The following CHIC2 variants were observed in gnomAD, a reference collection of about 807,000 sequenced individuals.
CHIC2 encodes cysteine rich hydrophobic domain 2.
CHIC2 carries 14 observed loss-of-function variants against 25.9 expected under a neutral mutation model. The observed-to-expected ratio is 0.54, with a 90% CI of 0.36 to 0.85. The LOEUF is 0.85. CHIC2 is among the 40% of genes least tolerant of loss of function. CHIC2 has a pLI of 0.01. For missense variants in CHIC2, 146 were observed against 202.0 expected, an observed-to-expected ratio of 0.72 and a Z score of 1.68; for synonymous variants, 70 against 72.0, an observed-to-expected ratio of 0.97 and a Z score of 0.14.
chr4:54,063,961 T>C (rs545336258), intron 1 of CHIC2, among the ~76,000 whole-genome samples: 8 of 152,356 alleles, frequency 5.3e-5, no homozygotes, highest in Admixed American at 2.6e-4. Context: ...CGCCCGGGCC[T>C]GTAGGGCCTG....
chr4:54,077,705 C>T, the CHIC2 span, among the ~76,000 whole-genome samples: 7 of 152,202 alleles, frequency 4.6e-5, no homozygotes, highest in Non-Finnish European at 1.0e-4. Context: ...TCACCTTAGA[C>T]ATGATCCCAC....
intron 3 of CHIC2, among the ~76,000 whole-genome samples, chr4:54,019,162 T>C (rs946625697): frequency 1.3e-5 from 2 of 151,890 alleles, no homozygotes; most frequent in African/African-American, 4.8e-5. Flanking sequence ...AATATGAAAT[T>C]TTATATTCCA....
At chr4:54,087,093 T>TGTGG in the CHIC2 span, 6 of 1,005,112 alleles carry the variant, frequency 6.0e-6, no homozygotes. Context: ...CTCAGGAAGA[T>TGTGG]GTGGGGTCGC....
intron 3 of CHIC2, among the ~76,000 whole-genome samples, chr4:54,014,451 G>A (rs370130929): frequency 3.3e-5 from 5 of 151,820 alleles, no homozygotes; most frequent in Non-Finnish European, 2.9e-5. Flanking sequence ...AAATAGTAAC[G>A]GAAGTTCCTT....
the CHIC2 span, chr4:54,087,823 C>A: frequency 2.6e-6 from 1 of 387,678 alleles, no homozygotes; most frequent in Non-Finnish European, 4.9e-6. Flanking sequence ...TCCCTGAGAT[C>A]TGGAAACACT....
At chr4:54,058,874 C>A (rs913015543) in intron 1 of CHIC2, among the ~76,000 whole-genome samples, 3 of 151,986 alleles carry the variant, frequency 2.0e-5, no homozygotes, top group Admixed American at 6.6e-5. Context: ...TGATTAGTAT[C>A]ATAATAATTA....
the CHIC2 span, among the ~76,000 whole-genome samples, chr4:54,075,980 A>G: frequency 6.6e-6 from 1 of 152,178 alleles, no homozygotes; most frequent in African/African-American, 2.4e-5. Context: ...ACTTCAGAGA[A>G]AACTTAAGTT....
At chr4:54,080,260 G>T in the CHIC2 span, among the ~76,000 whole-genome samples, 1 of 150,858 alleles carries the variant, frequency 6.6e-6, no homozygotes, top group Non-Finnish European at 1.5e-5. Flanking sequence ...TGACAATGAG[G>T]ACATTATGCT....
At chr4:54,066,774 G>A (rs1717528873), upstream of CHIC2, among the ~76,000 whole-genome samples, 1 of 152,130 alleles carries the variant, frequency 6.6e-6, no homozygotes, top group Non-Finnish European at 1.5e-5. Flanking sequence ...GCAGGAACCA[G>A]GAGACTAGTG....
At chr4:54,021,897 C>T (rs990710049) in intron 3 of CHIC2, among the ~76,000 whole-genome samples, 10 of 152,104 alleles carry the variant, frequency 6.6e-5, no homozygotes, top group Middle Eastern at 3.2e-3. Flanking sequence ...TAATTAACCT[C>T]GCCTTCAAGG....
At chr4:54,040,223 C>T (rs1394592966) in intron 3 of CHIC2, among the ~76,000 whole-genome samples, 1 of 152,040 alleles carries the variant, frequency 6.6e-6, no homozygotes, top group East Asian at 1.9e-4. Flanking sequence ...CAAAAATAGG[C>T]AAAGGTAGTT....
the CHIC2 span, among the ~76,000 whole-genome samples, chr4:54,072,784 T>C: frequency 6.6e-6 from 1 of 152,134 alleles, no homozygotes; most frequent in Non-Finnish European, 1.5e-5. Flanking sequence ...TATGTTAAGA[T>C]GTGCGCGTCT....
At chr4:54,086,343 C>G in the CHIC2 span, among the ~76,000 whole-genome samples, 1 of 152,042 alleles carries the variant, frequency 6.6e-6, no homozygotes, top group African/African-American at 2.4e-5. Flanking sequence ...GAAATCAGTG[C>G]AAATCCATTT....
intron 1 of CHIC2, among the ~76,000 whole-genome samples, chr4:54,063,439 C>G (rs560072137): frequency 5.9e-5 from 9 of 152,286 alleles, no homozygotes; most frequent in African/African-American, 2.2e-4. Flanking sequence ...AGCTTTCATT[C>G]CTTATTAATA....
chr4:54,056,539 A>G (rs1177342570), intron 1 of CHIC2, among the ~76,000 whole-genome samples: 1 of 152,188 alleles, frequency 6.6e-6, no homozygotes, highest in Non-Finnish European at 1.5e-5. Context: ...CCACTGAACT[A>G]ACCAAGGCCC....
intron 3 of CHIC2, among the ~76,000 whole-genome samples, chr4:54,025,338 G>A (rs1716025375): frequency 6.6e-6 from 1 of 151,916 alleles, no homozygotes; most frequent in Non-Finnish European, 1.5e-5. Flanking sequence ...CCACCCTTGA[G>A]AATGTACTTT....
At chr4:54,045,706 A>C (rs1313857409) in intron 3 of CHIC2, among the ~76,000 whole-genome samples, 27 of 152,006 alleles carry the variant, frequency 1.8e-4, no homozygotes, top group Non-Finnish European at 1.9e-4. Flanking sequence ...CTGAATGGGC[A>C]AAAACTGGAA....
the CHIC2 span, among the ~76,000 whole-genome samples, chr4:54,081,789 T>C: frequency 6.6e-6 from 1 of 152,154 alleles, no homozygotes; most frequent in Non-Finnish European, 1.5e-5. Context: ...CTCGAACTCC[T>C]GGTCTTAAGT....
At chr4:54,058,103 G>T (rs891788288) in intron 1 of CHIC2, among the ~76,000 whole-genome samples, 1 of 152,146 alleles carries the variant, frequency 6.6e-6, no homozygotes, top group South Asian at 2.1e-4. Context: ...AGATAATTCT[G>T]AGCTATGCTC....
Sources: gnomAD v4.1 joint callset for allele counts (sites outside exome capture counted in the v4.1 genomes callset) on GRCh38, gnomAD v4.1.1 for gene constraint, MANE v1.5 for transcripts, NCBI Gene and HGNC (gene_info 2026-07-23, HGNC 2026-07-21) for gene names.